GTF3C6: variants seen among roughly 807,000 people sequenced by gnomAD.
The protein encoded by GTF3C6 is general transcription factor 3C polypeptide 6.
A neutral mutation model predicts 19.2 loss-of-function variants in GTF3C6; 11 were observed. That is an observed-to-expected ratio of 0.57 (90% CI 0.36 to 0.95). The LOEUF (loss-of-function observed/expected upper bound fraction) is 0.95, where lower values mean the gene tolerates loss of function less well. Ranked by LOEUF, GTF3C6 falls within the 40% of genes least tolerant of loss-of-function variation. GTF3C6 has a pLI of 0.01. For synonymous variants in GTF3C6, 87 were observed against 84.2 expected (o/e 1.03, Z -0.18); for missense variants, 222 against 254.7 (o/e 0.87, Z 0.87).
intron 5 of GTF3C6, among the ~76,000 whole-genome samples, chr6:110,965,542 C>T (rs1771219593): frequency 1.3e-5 from 2 of 152,036 alleles, no homozygotes; most frequent in Non-Finnish European, 2.9e-5. Context: ...ACCCTTGTTC[C>T]TATTATGTAT....
At chr6:110,958,886 G>A in intron 1 of GTF3C6, 60 bp downstream of exon 1, 2 of 1,514,076 alleles carry the variant, frequency 1.3e-6, no homozygotes, top group Non-Finnish European at 1.8e-6. Context: ...TGCTGGCTGT[G>A]TGTGGGGAAG....
intron 5 of GTF3C6, among the ~76,000 whole-genome samples, chr6:110,964,798 C>T (rs6912965): frequency 0.024 from 3,615 of 151,640 alleles, 53 homozygotes; most frequent in African/African-American, 0.042. Flanking sequence ...CCCACCACCA[C>T]GCCCGGCTAA....
intron 1 of GTF3C6, 59 bp from the exon 2 acceptor site, chr6:110,959,113 T>G: frequency 1.6e-6 from 2 of 1,246,084 alleles, no homozygotes; most frequent in Non-Finnish European, 2.4e-6. Context: ...CTTCTTTTGC[T>G]AATTGCTCCC....
Position 110,958,763 on chromosome 6 carries a change from C to G in GTF3C6, c.-7C>G, listed in dbSNP as rs1388824084. On this transcript the variant is annotated 5_prime_UTR_variant, in exon 1 of 6. Transcript: ENST00000329970. ...CCAGTGACTAGAAGGCGAGGCGCCG[C>G]GGGACCATGGCGGCGGCGGCGGACG... The G allele has an allele frequency of 2.6e-6, 4 of 1,550,730 alleles. No homozygotes were observed. In the African/African-American group the frequency reaches 4.1e-5, roughly 16 times the overall value.
chr6:110,963,166 C>G (rs189103679), intron 5 of GTF3C6, among the ~76,000 whole-genome samples: 1 of 152,216 alleles, frequency 6.6e-6, no homozygotes, highest in East Asian at 1.9e-4. Context: ...GATCCACCTA[C>G]CTTGGCCTAC....
intron 5 of GTF3C6, among the ~76,000 whole-genome samples, chr6:110,966,892 T>C (rs898458453): frequency 1.3e-5 from 2 of 152,102 alleles, no homozygotes; most frequent in Non-Finnish European, 2.9e-5. Context: ...CAGTGGGTCA[T>C]GCCTGTGATC....
intron 5 of GTF3C6, among the ~76,000 whole-genome samples, chr6:110,963,497 T>C (rs1771190006): frequency 6.6e-6 from 1 of 152,178 alleles, no homozygotes; most frequent in Non-Finnish European, 1.5e-5. Context: ...ATGATGATTA[T>C]GTTTTTACAT....
chr6:110,960,685 C>T (rs199614673), intron 4 of GTF3C6, 69 bp downstream of exon 4: 130 of 1,040,222 alleles, frequency 1.2e-4, no homozygotes, highest in Non-Finnish European at 1.7e-4. Context: ...TAATAAATAT[C>T]TCATGTATCC....
At position 110,958,780 on chromosome 6, in the gene GTF3C6, C is replaced by T; in HGVS notation, c.11C>T (p.Ala4Val). Reference protein sequence around the residue: MAAAADERSPEDGE... With the variant: MAAVADERSPEDGE... The stretch of plus-strand genomic sequence containing the variant: ...AGGCGCCGCGGGACCATGGCGGCGG[C>T]GGCGGACGAGCGGAGTCCAGAGGAC... Residue 4 changes from alanine (A) to valine (V), a missense_variant, in exon 1 of 6, where the codon GCG (alanine) becomes GTG (valine). Ala to Val is a moderately conservative substitution (Grantham distance 64). Coordinates refer to ENST00000329970, the MANE Select transcript of GTF3C6 (RefSeq NM_138408.4). 1.3e-6 allele frequency: 2 copies of T among 1,550,900 alleles called. No homozygotes were observed. The highest frequency in any genetic ancestry group is 1.4e-5 in the African/African-American group (1 of 73,208).
At chr6:110,963,949 G>C (rs1771196335) in intron 5 of GTF3C6, among the ~76,000 whole-genome samples, 2 of 152,114 alleles carry the variant, frequency 1.3e-5, no homozygotes, top group South Asian at 4.1e-4. Context: ...TGATCAACCT[G>C]CCTCGGCCTC....
At chr6:110,964,979 C>T (rs1049955680) in intron 5 of GTF3C6, among the ~76,000 whole-genome samples, 6 of 151,282 alleles carry the variant, frequency 4.0e-5, no homozygotes, top group Admixed American at 6.6e-5. Flanking sequence ...ATTACAGGCA[C>T]GCACCAGCAC....
intron 2 of GTF3C6, among the ~76,000 whole-genome samples, chr6:110,959,923 C>T (rs947914105): frequency 1.3e-5 from 2 of 151,866 alleles, no homozygotes; most frequent in African/African-American, 4.8e-5. Context: ...CGCCACTGTA[C>T]TCCAGCCTGG....
At chr6:110,959,106 CT>C (rs2115347429) in intron 1 of GTF3C6, 65 bp from the exon 2 acceptor site, 1 of 1,200,352 alleles carries the variant, frequency 8.3e-7, no homozygotes, top group Non-Finnish European at 1.2e-6. Flanking sequence ...AATTTGGCTT[CT>C]TTTGCTAATT....
At chr6:110,960,529 A>G in intron 3 of GTF3C6, 43 bp from the exon 4 acceptor site, 1 of 1,610,588 alleles carries the variant, frequency 6.2e-7, no homozygotes, top group Non-Finnish European at 8.5e-7. Flanking sequence ...CTTTTCAGAG[A>G]TGGTAGCTCT....
intron 5 of GTF3C6, among the ~76,000 whole-genome samples, chr6:110,964,211 G>A (rs1771199363): frequency 6.6e-6 from 1 of 151,694 alleles, no homozygotes; most frequent in Non-Finnish European, 1.5e-5. Flanking sequence ...CCACAGGCGT[G>A]TTCCACCATG....
Position 110,962,504 on chromosome 6 carries a change from A to C in GTF3C6, c.360A>C (p.Ile120=), listed in dbSNP as rs1279281366. ...AGAAGAAGGAAGGAGAAGAAAACAT[A>C]GGTTAGTTCCATTATTCTCTGAAAA... ...LTEKKEGEEN[I]GGVEWLQIKD... The change falls in exon 5 of 6, where the codon ATA becomes ATC. Residue 120 remains isoleucine, a splice_region_variant and synonymous_variant. Coordinates refer to ENST00000329970, the MANE Select transcript of GTF3C6 (RefSeq NM_138408.4). 1 of 1,537,910 alleles carries C rather than the reference A, an allele frequency of 6.5e-7. No individual in the cohort carries two copies. Among genetic ancestry groups the C allele is most frequent in the South Asian group, 1.1e-5 (1 of 89,370 alleles).
At chr6:110,959,129 G>A (rs9374225) in intron 1 of GTF3C6, 43 bp from the exon 2 acceptor site, 1 of 1,404,550 alleles carries the variant, frequency 7.1e-7, no homozygotes, top group Non-Finnish European at 1.0e-6. Context: ...CTCCCTCTTG[G>A]CCGCTCGCGT....
At chr6:110,958,944 G>A in intron 1 of GTF3C6, 118 bp downstream of exon 1, 2 of 1,207,824 alleles carry the variant, frequency 1.7e-6, no homozygotes, top group East Asian at 2.6e-5. Context: ...GCTCCTCACC[G>A]GCTTCTTGCT....
chr6:110,962,121 C>G (rs1360061878), intron 4 of GTF3C6, among the ~76,000 whole-genome samples: 1 of 152,108 alleles, frequency 6.6e-6, no homozygotes, highest in Non-Finnish European at 1.5e-5. Flanking sequence ...CCAGGCTGGT[C>G]TCAAACTCCC....
Sources: allele counts gnomAD v4.1 joint callset (sites outside exome capture counted in the v4.1 genomes callset), GRCh38; gene constraint gnomAD v4.1.1; transcripts MANE v1.5; gene names NCBI Gene and HGNC (gene_info 2026-07-23, HGNC 2026-07-21).